ATP2C1: variants seen among roughly 807,000 people sequenced by gnomAD.
The protein encoded by ATP2C1 is calcium-transporting ATPase type 2C member 1.
A neutral mutation model predicts 120.5 loss-of-function variants in ATP2C1; 31 were observed. That is an observed-to-expected ratio of 0.26 (90% confidence interval 0.19 to 0.35). ATP2C1 has a LOEUF of 0.35. Among genes scored for constraint, ATP2C1 ranks in the 10% least tolerant of loss-of-function variants. The probability of loss-of-function intolerance (pLI) is 1.00; values close to 1 mark genes in which losing one functional copy is unlikely to be tolerated. For synonymous variants in ATP2C1, 351 were observed against 358.7 expected (o/e 0.98, Z 0.24); for missense variants, 731 against 1,107.5 (o/e 0.66, Z 4.83).
intron 18 of ATP2C1, among the ~76,000 whole-genome samples, chr3:130,978,521 CT>C (rs1394969780): frequency 6.6e-6 from 1 of 152,012 alleles, no homozygotes. Flanking sequence ...ATGAAAAGTA[CT>C]TTGTACTATA....
At chr3:130,896,815 A>G (rs1032761499) in intron 2 of ATP2C1, among the ~76,000 whole-genome samples, 1 of 152,150 alleles carries the variant, frequency 6.6e-6, no homozygotes, top group African/African-American at 2.4e-5. Context: ...TAAATGAGAA[A>G]CCCTGTATAA....
At chr3:130,933,614 T>C (rs895740794) in intron 4 of ATP2C1, among the ~76,000 whole-genome samples, 3 of 152,178 alleles carry the variant, frequency 2.0e-5, no homozygotes, top group Non-Finnish European at 4.4e-5. Context: ...AGTTGCAGTG[T>C]TATTTTATTA....
At chr3:130,938,045 C>A (rs2059743828) in intron 6 of ATP2C1, among the ~76,000 whole-genome samples, 1 of 152,166 alleles carries the variant, frequency 6.6e-6, no homozygotes, top group African/African-American at 2.4e-5. Flanking sequence ...GGCATGACCT[C>A]CTCTCCCCTC....
chr3:130,972,177 G>C (rs1300012161), intron 17 of ATP2C1, among the ~76,000 whole-genome samples: 1 of 152,132 alleles, frequency 6.6e-6, no homozygotes, highest in Non-Finnish European at 1.5e-5. Flanking sequence ...GCTTCTATGA[G>C]AATCTCAGGC....
At chr3:130,915,102 T>TC (rs1211771293) in intron 2 of ATP2C1, among the ~76,000 whole-genome samples, 13 of 149,770 alleles carry the variant, frequency 8.7e-5, no homozygotes, top group South Asian at 2.1e-4. Context: ...TTTTTTTTTT[T>TC]CCCCCCCTTG....
At chr3:130,881,538 T>C (rs2068781801) in intron 1 of ATP2C1, among the ~76,000 whole-genome samples, 1 of 152,140 alleles carries the variant, frequency 6.6e-6, no homozygotes, top group African/African-American at 2.4e-5. Flanking sequence ...TTTAAGTTTT[T>C]TGTAGAGATG....
chr3:130,991,284 T>A (rs997985744), intron 20 of ATP2C1, among the ~76,000 whole-genome samples: 13 of 152,090 alleles, frequency 8.5e-5, no homozygotes, highest in African/African-American at 3.1e-4. Flanking sequence ...GCTGAGAGAT[T>A]AAGTCAGATG....
At chr3:130,893,461 C>A (rs1484712193), upstream of ATP2C1, among the ~76,000 whole-genome samples, 2 of 152,190 alleles carry the variant, frequency 1.3e-5, no homozygotes, top group Non-Finnish European at 2.9e-5. Flanking sequence ...ATTACCGGCT[C>A]CCCCAAGAAC....
chr3:130,886,748 T>G (rs1162747721), intron 1 of ATP2C1, among the ~76,000 whole-genome samples: 2 of 152,222 alleles, frequency 1.3e-5, no homozygotes, highest in African/African-American at 2.4e-5. Flanking sequence ...ATTTCTTTTC[T>G]GTTATCTTGA....
intron 1 of ATP2C1, among the ~76,000 whole-genome samples, chr3:130,867,341 G>A (rs530106772): frequency 9.3e-6 from 1 of 107,220 alleles, no homozygotes; most frequent in African/African-American, 4.2e-5. Context: ...TCTCCCTCAC[G>A]GTCTCCCTCT....
chr3:130,910,227 C>G (rs1406097702), intron 2 of ATP2C1, among the ~76,000 whole-genome samples: 1 of 151,116 alleles, frequency 6.6e-6, no homozygotes, highest in Non-Finnish European at 1.5e-5. Flanking sequence ...TGGGAGTTCA[C>G]TCATGATTTG....
At chr3:130,983,217 T>G (rs1255639532) in intron 20 of ATP2C1, among the ~76,000 whole-genome samples, 3 of 152,196 alleles carry the variant, frequency 2.0e-5, no homozygotes, top group Admixed American at 2.0e-4. Context: ...ATTTATTATC[T>G]GCCAATGCAT....
At chr3:130,999,715 ATG>A (rs1560036026) in intron 27 of ATP2C1, 56 bp downstream of exon 27, 4 of 1,478,682 alleles carry the variant, frequency 2.7e-6, no homozygotes, top group Non-Finnish European at 3.7e-6. Flanking sequence ...ATATTTTCTA[ATG>A]TGTTTGTTTT....
At chr3:130,912,296 A>G (rs1476263518) in intron 2 of ATP2C1, among the ~76,000 whole-genome samples, 5 of 148,490 alleles carry the variant, frequency 3.4e-5, no homozygotes, top group Non-Finnish European at 1.5e-5. Context: ...AAAAGAAACT[A>G]CCATCAGAGT....
At chr3:130,929,492 A>T (rs932660458) in intron 2 of ATP2C1, among the ~76,000 whole-genome samples, 1 of 152,230 alleles carries the variant, frequency 6.6e-6, no homozygotes, top group African/African-American at 2.4e-5. Context: ...GGTTGAAAAG[A>T]TCTTACCTGA....
At chr3:130,886,725 G>A (rs553876264) in intron 1 of ATP2C1, among the ~76,000 whole-genome samples, 2 of 152,188 alleles carry the variant, frequency 1.3e-5, no homozygotes, top group South Asian at 4.1e-4. Context: ...AAATTTATCT[G>A]ATAAAATTCT....
intron 2 of ATP2C1, among the ~76,000 whole-genome samples, chr3:130,907,955 T>C (rs951395609): frequency 6.6e-6 from 1 of 152,066 alleles, no homozygotes; most frequent in African/African-American, 2.4e-5. Flanking sequence ...TAACAAGCAT[T>C]TCACAGAAAT....
intron 17 of ATP2C1, among the ~76,000 whole-genome samples, chr3:130,974,404 A>C (rs2061456801): frequency 6.6e-6 from 1 of 152,344 alleles, no homozygotes; most frequent in Middle Eastern, 3.4e-3. Flanking sequence ...GGGGTAGAAG[A>C]ATAGGAAATT....
intron 1 of ATP2C1, among the ~76,000 whole-genome samples, chr3:130,882,160 C>A (rs563929329): frequency 6.6e-6 from 1 of 151,970 alleles, no homozygotes; most frequent in East Asian, 1.9e-4. Flanking sequence ...TAAGTTTTTC[C>A]CCATTCAGGG....
Sources: allele counts gnomAD v4.1 joint callset (sites outside exome capture counted in the v4.1 genomes callset), GRCh38; gene constraint gnomAD v4.1.1; transcripts MANE v1.5; gene names NCBI Gene and HGNC (gene_info 2026-07-23, HGNC 2026-07-21).